The following ATP9A variants were observed in gnomAD, a reference collection of about 807,000 sequenced individuals.
The protein encoded by ATP9A is ATPase phospholipid transporting 9A.
A neutral mutation model predicts 144.1 loss-of-function variants in ATP9A; 52 were observed. The observed-to-expected ratio is 0.36, with a 90% CI of 0.29 to 0.45. ATP9A has a LOEUF of 0.45. Ranked by LOEUF, ATP9A falls within the 20% of genes least tolerant of loss-of-function variation. The pLI, the probability that ATP9A is intolerant of heterozygous loss-of-function variation, is 1.00. For synonymous variants in ATP9A, 582 were observed against 557.4 expected (o/e 1.04, Z -0.62); for missense variants, 947 against 1,392.7 (o/e 0.68, Z 5.09).
At position 51,667,721 on chromosome 20, in the gene ATP9A, G is replaced by A. The variant is rs192423519; in HGVS notation, c.1293+2276C>T. On this transcript the variant is annotated intron_variant, in intron 13 of 27. Transcript: ENST00000338821. Reference sequence around the variant, plus strand: ...TCACGGCAGACAGGCGAGGAAGGGGGTCACCTTGCTGAGTGAGTGAGAAGG... The same window carrying A: ...TCACGGCAGACAGGCGAGGAAGGGGATCACCTTGCTGAGTGAGTGAGAAGG... Among the ~76,000 whole-genome samples the A allele has an allele frequency of 1.7e-3, 264 of 152,114 alleles. 1 individual carries two copies. Among genetic ancestry groups the A allele is most frequent in the Non-Finnish European group, 2.8e-3 (191 of 67,994 alleles).
intron 1 of ATP9A, among the ~76,000 whole-genome samples, chr20:51,730,908 C>T (rs1001764961): frequency 1.3e-5 from 2 of 152,190 alleles, no homozygotes; most frequent in African/African-American, 4.8e-5. Flanking sequence ...GTGGTTTATG[C>T]CTATAATCCC....
chr20:51,648,514 G>A (rs1358764675), intron 14 of ATP9A, among the ~76,000 whole-genome samples: 1 of 152,174 alleles, frequency 6.6e-6, no homozygotes, highest in Non-Finnish European at 1.5e-5. Flanking sequence ...TACGTACGCA[G>A]AAGAATATTG....
At chr20:51,763,525 G>A (rs968405832) in intron 1 of ATP9A, among the ~76,000 whole-genome samples, 2 of 151,820 alleles carry the variant, frequency 1.3e-5, no homozygotes, top group Non-Finnish European at 2.9e-5. Context: ...GTGTTAGCCA[G>A]GATGGTCTGG....
At chr20:51,733,070 G>T (rs993155139) in intron 1 of ATP9A, among the ~76,000 whole-genome samples, 4 of 152,068 alleles carry the variant, frequency 2.6e-5, no homozygotes, top group Non-Finnish European at 5.9e-5. Context: ...CAAAATTTTT[G>T]TTCTGTTTTG....
chr20:51,734,176 G>C (rs1351185746), intron 1 of ATP9A, among the ~76,000 whole-genome samples: 6 of 151,858 alleles, frequency 4.0e-5, no homozygotes, highest in African/African-American at 1.2e-4. Context: ...TAGAGATGGG[G>C]TTTCACCATG....
At chr20:51,622,053 C>T in intron 19 of ATP9A, 21 bp downstream of exon 19, 1 of 1,609,790 alleles carries the variant, frequency 6.2e-7, no homozygotes, top group South Asian at 1.1e-5. Flanking sequence ...CCACATGGCC[C>T]TAACGCAGAG....
intron 4 of ATP9A, among the ~76,000 whole-genome samples, chr20:51,712,303 G>A (rs138011395): frequency 1.3e-3 from 201 of 152,032 alleles, no homozygotes; most frequent in Non-Finnish European, 2.2e-3. Context: ...CTCGATCTCC[G>A]GACCTTGTGA....
At chr20:51,618,502 CA>C (rs1161510866) in intron 21 of ATP9A, among the ~76,000 whole-genome samples, 159 bp downstream of exon 21, 1 of 152,110 alleles carries the variant, frequency 6.6e-6, no homozygotes, top group Non-Finnish European at 1.5e-5. Flanking sequence ...AAAATAATAA[CA>C]AAAAGAGCCA....
chr20:51,761,219 CTAAA>C (rs1306416232), intron 1 of ATP9A, among the ~76,000 whole-genome samples: 12 of 152,294 alleles, frequency 7.9e-5, no homozygotes, highest in Non-Finnish European at 7.4e-5. Flanking sequence ...ACTGCAGGTC[CTAAA>C]TAAATATTCA....
chr20:51,657,479 G>A (rs2077392256), intron 13 of ATP9A, among the ~76,000 whole-genome samples: 1 of 152,074 alleles, frequency 6.6e-6, no homozygotes, highest in Non-Finnish European at 1.5e-5. Context: ...GCACTGAAAG[G>A]GATCCCGGTA....
Position 51,618,776 on chromosome 20 carries a change from T to C in ATP9A, c.2236A>G (p.Met746Val), listed in dbSNP as rs371712518. ...VCLKYYEYEF[M>V]ELACQCPAVV... ...GCCGGGCACTGGCAGGCCAGCTCCA[T>C]GAACTCGTACTCATAGTACTTGAGG... Residue 746 changes from methionine (M) to valine (V), a missense_variant, in exon 21 of 28, where the codon ATG becomes GTG. Physicochemically the swap from Met to Val is conservative, Grantham distance 21. Coordinates refer to ENST00000338821, the MANE Select transcript of ATP9A (RefSeq NM_006045.3). 1.9e-6 allele frequency: 3 copies of C among 1,604,432 alleles called. No homozygotes were observed. The highest frequency in any genetic ancestry group is 1.3e-5 in the African/African-American group (1 of 74,790).
In ATP9A at chr20:51,639,112, G is replaced by A. The variant is rs145412571; in HGVS notation, c.1668+231C>T. Among the ~76,000 whole-genome samples, 273 of 152,268 alleles carry A rather than the reference G, an allele frequency of 1.8e-3. 2 individuals carry two copies. Among genetic ancestry groups the A allele is most frequent in the Admixed American group, 3.7e-3 (56 of 15,290 alleles). ...TATTACCAAGAAATCCCCAATGGAC[G>A]TTCTCTTTAACTTTCACTCCAGAAC... On this transcript the variant is annotated intron_variant, in intron 15 of 27. Coordinates refer to ENST00000338821, the MANE Select transcript of ATP9A (RefSeq NM_006045.3).
rs3029335 is a variant in ATP9A at position 51,637,306 on chromosome 20, TAA to T, written c.1668+2035_1668+2036del. Reference sequence around the variant, plus strand: ...TCTTATTTGATAACTTCCCTAACATTAAAAAAAAAAAAAAAAAAAAAAAGACA... The same window carrying T: ...TCTTATTTGATAACTTCCCTAACATTAAAAAAAAAAAAAAAAAAAAAGACA... On this transcript the variant is annotated intron_variant, in intron 15 of 27. Transcript: ENST00000338821. 1.7e-3 allele frequency among the ~76,000 whole-genome samples: 152 copies of T among 89,966 alleles called. 3 individuals are homozygous for T. Among genetic ancestry groups the T allele is most frequent in the South Asian group, 7.2e-3 (13 of 1,800 alleles). The allele number at this position is 89,966 out of a possible 152,430, so 59.0% of individuals were successfully genotyped here. A position where few individuals can be genotyped will look rare whatever the true frequency, so the allele number is the denominator to read the frequency against.
chr20:51,696,785 T>A (rs2077572455), intron 5 of ATP9A, among the ~76,000 whole-genome samples: 1 of 152,188 alleles, frequency 6.6e-6, no homozygotes, highest in Non-Finnish European at 1.5e-5. Flanking sequence ...ATAGCTCAAT[T>A]TCTACAGAAA....
chr20:51,694,140 A>G (rs1483748904), intron 6 of ATP9A, 38 bp from the exon 7 acceptor site: 1 of 1,564,616 alleles, frequency 6.4e-7, no homozygotes, highest in Non-Finnish European at 8.8e-7. Flanking sequence ...CTGCACCTCA[A>G]GCACCCTTCC....
intron 2 of ATP9A, 96 bp from the exon 3 acceptor site, chr20:51,726,028 C>G: frequency 1.3e-6 from 1 of 787,516 alleles, no homozygotes; most frequent in Non-Finnish European, 2.1e-6. Flanking sequence ...AAAAACATTC[C>G]TGCAGCCAGG....
intron 9 of ATP9A, among the ~76,000 whole-genome samples, chr20:51,676,603 G>A (rs535988724): frequency 1.3e-4 from 20 of 152,132 alleles, no homozygotes; most frequent in African/African-American, 4.1e-4. Context: ...CTCAGCCTCC[G>A]GAGTAGCTTG....
intron 3 of ATP9A, among the ~76,000 whole-genome samples, chr20:51,724,974 T>C (rs557744359): frequency 2.8e-4 from 42 of 152,276 alleles, no homozygotes; most frequent in Middle Eastern, 6.8e-3. Context: ...TGTTTCCAGA[T>C]TGGGGGACAT....
At chr20:51,754,115 CAGG>C (rs912091573) in intron 1 of ATP9A, among the ~76,000 whole-genome samples, 2 of 152,040 alleles carry the variant, frequency 1.3e-5, no homozygotes, top group Non-Finnish European at 2.9e-5. Flanking sequence ...TGGAGCCCCA[CAGG>C]AGGACAGACC....
Sources: gnomAD v4.1 joint callset for allele counts (sites outside exome capture counted in the v4.1 genomes callset) on GRCh38, gnomAD v4.1.1 for gene constraint, MANE v1.5 for transcripts, NCBI Gene and HGNC (gene_info 2026-07-23, HGNC 2026-07-21) for gene names.